EPHA4: variants seen among roughly 807,000 people sequenced by gnomAD.
EPHA4 encodes EPH receptor A4, also known as ephrin type-A receptor 4.
EPHA4 carries 19 observed loss-of-function variants against 108.3 expected under a neutral mutation model. That is an observed-to-expected ratio of 0.18 (90% CI 0.12 to 0.26). EPHA4 has a LOEUF of 0.26. Ranked by LOEUF, EPHA4 falls within the 10% of genes least tolerant of loss-of-function variation. EPHA4 has a pLI of 1.00. For synonymous variants in EPHA4, 449 were observed against 455.5 expected (o/e 0.99, Z 0.18); for missense variants, 917 against 1,254.0 (o/e 0.73, Z 4.06).
chr2:221,547,967 C>A (rs58564671), intron 3 of EPHA4, among the ~76,000 whole-genome samples: 2,488 of 152,214 alleles, frequency 0.016, 56 homozygotes, highest in African/African-American at 0.049. Flanking sequence ...AATTTCTTCC[C>A]AAAGATATTT....
At chr2:221,475,723 T>G (rs945360995) in intron 5 of EPHA4, among the ~76,000 whole-genome samples, 1 of 152,254 alleles carries the variant, frequency 6.6e-6, no homozygotes, top group African/African-American at 2.4e-5. Context: ...ACTTTATTTA[T>G]GAATGCCAAT....
chr2:221,445,979 C>A, intron 9 of EPHA4, 144 bp downstream of exon 9: 1 of 372,932 alleles, frequency 2.7e-6, no homozygotes, highest in Non-Finnish European at 4.5e-6. Context: ...AGTTTGATAC[C>A]TAGGAAGTAC....
Position 221,564,411 on chromosome 2 carries a change from C to T in EPHA4, c.160-17G>A. The T allele has an allele frequency of 6.3e-7, 1 of 1,590,806 alleles. No individual in the cohort carries two copies. Among genetic ancestry groups the T allele is most frequent in the Non-Finnish European group, 8.6e-7 (1 of 1,163,912 alleles). ...TTCCTCCCACTGCAAAGATCCAAAGCAGATGTATCAACTACAAAGTTTCAT... is the reference window on the plus strand; with the variant it reads ...TTCCTCCCACTGCAAAGATCCAAAGTAGATGTATCAACTACAAAGTTTCAT... On this transcript the variant is annotated splice_polypyrimidine_tract_variant and intron_variant, in intron 2 of 17. Transcript: ENST00000281821.
chr2:221,475,227 AGT>A (rs1209588909), intron 5 of EPHA4, among the ~76,000 whole-genome samples: 1 of 152,236 alleles, frequency 6.6e-6, no homozygotes, highest in Non-Finnish European at 1.5e-5. Flanking sequence ...CCTAGGCAAT[AGT>A]GTGAAGAATG....
Position 221,432,622 on chromosome 2 carries a change from G to A in EPHA4, c.2496+1520C>T, listed in dbSNP as rs139440004. On this transcript the variant is annotated intron_variant, in intron 14 of 17. Transcript: ENST00000281821. The stretch of plus-strand genomic sequence containing the variant: ...TTCTTTTTGCCCCACCAGACATGGA[G>A]TGCATTTCTCTATTGCACCGAACAT... 2.1e-3 allele frequency among the ~76,000 whole-genome samples: 318 copies of A among 151,582 alleles called. 1 individual carries two copies. Among genetic ancestry groups the A allele is most frequent in the African/African-American group, 7.3e-3 (300 of 41,354 alleles).
At chr2:221,491,109 C>T (rs1396767165) in intron 4 of EPHA4, among the ~76,000 whole-genome samples, 1 of 152,110 alleles carries the variant, frequency 6.6e-6, no homozygotes, top group Non-Finnish European at 1.5e-5. Context: ...ATCTCCTTTC[C>T]CATTCTCCTC....
At chr2:221,529,249 G>A (rs1030081181) in intron 3 of EPHA4, among the ~76,000 whole-genome samples, 1 of 152,142 alleles carries the variant, frequency 6.6e-6, no homozygotes, top group East Asian at 1.9e-4. Flanking sequence ...GTCTCCACAG[G>A]AAGGAAGGAA....
intron 17 of EPHA4, among the ~76,000 whole-genome samples, chr2:221,421,165 C>T (rs1689749582): frequency 6.6e-6 from 1 of 151,960 alleles, no homozygotes; most frequent in Non-Finnish European, 1.5e-5. Context: ...GGCGTGGTGG[C>T]GGGCGCCTGT....
At chr2:221,556,177 T>C (rs1694295554) in intron 3 of EPHA4, among the ~76,000 whole-genome samples, 1 of 152,256 alleles carries the variant, frequency 6.6e-6, no homozygotes, top group Non-Finnish European at 1.5e-5. Flanking sequence ...TTTTAAATTA[T>C]TTTTAATTCA....
intron 4 of EPHA4, among the ~76,000 whole-genome samples, chr2:221,496,393 T>C (rs546902908): frequency 1.8e-4 from 27 of 152,284 alleles, no homozygotes; most frequent in African/African-American, 6.3e-4. Context: ...ACGTGTCAAG[T>C]GTCTACAGTA....
At chr2:221,460,445 A>G (rs1171819550) in intron 5 of EPHA4, among the ~76,000 whole-genome samples, 1 of 152,186 alleles carries the variant, frequency 6.6e-6, no homozygotes, top group Non-Finnish European at 1.5e-5. Flanking sequence ...TGCAAAGTCT[A>G]AATTCTTTAT....
At chr2:221,445,216 GTGCAGATATAGA>G in intron 9 of EPHA4, among the ~76,000 whole-genome samples, 1 of 152,268 alleles carries the variant, frequency 6.6e-6, no homozygotes, top group Admixed American at 6.5e-5. Flanking sequence ...ATTTTGGACA[GTGCAGATATAGA>G]ACAATGTTAT....
chr2:221,523,599 A>AGCACCTGGTAT (rs1553585725), intron 3 of EPHA4, among the ~76,000 whole-genome samples: 9 of 134,930 alleles, frequency 6.7e-5, no homozygotes, highest in East Asian at 5.0e-4. Context: ...AATATTTTTT[A>AGCACCTGGTAT]GTAACTTTTT....
chr2:221,463,150 C>T (rs571849565), intron 5 of EPHA4, among the ~76,000 whole-genome samples: 10 of 152,208 alleles, frequency 6.6e-5, no homozygotes, highest in South Asian at 6.2e-4. Context: ...ATAGTGTGGG[C>T]GAGCAGCATT....
chr2:221,548,139 T>C (rs751702875), intron 3 of EPHA4, among the ~76,000 whole-genome samples: 3 of 152,198 alleles, frequency 2.0e-5, no homozygotes, highest in African/African-American at 4.8e-5. Context: ...CACCATCCTC[T>C]TGGTGATGAC....
intron 5 of EPHA4, among the ~76,000 whole-genome samples, chr2:221,476,278 C>T (rs1193118810): frequency 6.6e-6 from 1 of 152,138 alleles, no homozygotes; most frequent in African/African-American, 2.4e-5. Context: ...AGGTCCACTC[C>T]AGAGGTGCCC....
chr2:221,442,659 C>A (rs566521707), intron 11 of EPHA4, among the ~76,000 whole-genome samples, 170 bp downstream of exon 11: 1 of 152,158 alleles, frequency 6.6e-6, no homozygotes, highest in South Asian at 2.1e-4. Context: ...CCAGCCAAAA[C>A]CAAAGACCCA....
In EPHA4 at chr2:221,571,269, C is replaced by CAG. The variant is rs942657274; in HGVS notation, c.91+888_91+889insCT. Among the ~76,000 whole-genome samples, 3 of 151,722 alleles carry CAG rather than the reference C, an allele frequency of 2.0e-5. 1 individual carries two copies. The highest frequency in any genetic ancestry group is 7.3e-5 in the African/African-American group (3 of 41,298). ...CACACCACACATACACACACACACA[C>CAG]ACACAGTTCGCCTCTCCCTGGGTTT... On this transcript the variant is annotated intron_variant, in intron 1 of 17. Transcript: ENST00000281821. This position sits in a 1 kb window ranked among gnomAD's most constrained non-coding sequence, Gnocchi z 6.3.
intron 11 of EPHA4, among the ~76,000 whole-genome samples, chr2:221,438,266 T>C (rs572729609): frequency 1.2e-4 from 19 of 152,212 alleles, no homozygotes; most frequent in Admixed American, 8.5e-4. Context: ...AAGTCCGCTT[T>C]CTGAGGACTT....
Sources: allele counts gnomAD v4.1 joint callset (sites outside exome capture counted in the v4.1 genomes callset), GRCh38; gene constraint gnomAD v4.1.1; non-coding constraint Gnocchi (gnomAD v3.1); transcripts MANE v1.5; gene names NCBI Gene and HGNC (gene_info 2026-07-23, HGNC 2026-07-21).